Variants in ERBB2 observed in about 807,000 individuals in gnomAD.
The protein encoded by ERBB2 is erb-b2 receptor tyrosine kinase 2.
A neutral mutation model predicts 149.0 loss-of-function variants in ERBB2; 61 were observed. That is an observed-to-expected ratio of 0.41 (90% CI 0.33 to 0.51). ERBB2 has a LOEUF of 0.51. Among genes scored for constraint, ERBB2 ranks in the 20% least tolerant of loss-of-function variants. The probability of loss-of-function intolerance (pLI) is 0.25; values close to 1 mark genes in which losing one functional copy is unlikely to be tolerated. For missense variants in ERBB2, 1,205 were observed against 1,655.1 expected (o/e 0.73, Z 4.72); for synonymous variants, 633 against 678.8 (o/e 0.93, Z 1.05).
At position 39,707,081 on chromosome 17, in the gene ERBB2, G is replaced by A. The variant is rs1175627079; in HGVS notation, c.165G>A (p.Val55=). ...MLRHLYQGCQ[V]VQGNLELTYL... is the part of the protein sequence containing the mutation. ...GCCACCTCTACCAGGGCTGCCAGGT[G>A]GTGCAGGGAAACCTGGAACTCACCT... Residue 55 remains valine, a synonymous_variant, in exon 2 of 27, where the codon GTG becomes GTA. Coordinates refer to ENST00000269571, the MANE Select transcript of ERBB2 (RefSeq NM_004448.4). The A allele has an allele frequency of 6.2e-7, 1 of 1,606,280 alleles. No individual in the cohort carries two copies. Among genetic ancestry groups the A allele is most frequent in the Non-Finnish European group, 8.5e-7 (1 of 1,176,532 alleles).
At position 39,723,323 on chromosome 17, in the gene ERBB2, C is replaced by T. The variant is rs757101082; in HGVS notation, c.1951C>T (p.Leu651=). The change falls in exon 17 of 27, where the codon CTG becomes TTG. Residue 651 remains leucine, a synonymous_variant. Transcript: ENST00000269571. The surrounding 1 kb of genome is among the most constrained non-coding windows in gnomAD (Gnocchi z 6.2). The part of the protein sequence containing the change: ...GCPAEQRASP[L]TSIISAVVGI... The stretch of plus-strand genomic sequence containing the variant: ...GACCCTGGCTTCCGCCCCCAGCCCT[C>T]TGACGTCCATCATCTCTGCGGTGGT... 2 of 1,614,084 alleles carry T rather than the reference C, an allele frequency of 1.2e-6. No individual in the cohort carries two copies. Among genetic ancestry groups the T allele is most frequent in the South Asian group, 1.1e-5 (1 of 91,074 alleles).
chr17:39,719,991 A>T, intron 16 of ERBB2, 157 bp downstream of exon 16: 4 of 706,036 alleles, frequency 5.7e-6, no homozygotes, highest in Non-Finnish European at 1.0e-5. Context: ...TCACCAAGTG[A>T]CAGAGGACCT....
At chr17:39,691,600 CAT>C (rs750097261), upstream of ERBB2, among the ~76,000 whole-genome samples, 53 of 143,762 alleles carry the variant, frequency 3.7e-4, 1 homozygote, top group African/African-American at 1.1e-3. Flanking sequence ...CACACACACA[CAT>C]ACCCTCTAAC....
rs746042501 is a variant in ERBB2 at position 39,727,495 on chromosome 17, G to A, written c.3360G>A (p.Leu1120=). ...QRYSEDPTVP[L]PSETDGYVAP... is the part of the protein sequence containing the mutation. ...ACAGTGAGGACCCCACAGTACCCCT[G>A]CCCTCTGAGACTGATGGCTACGTTG... Residue 1120 remains leucine (L), a synonymous_variant, in exon 26 of 27, where the codon CTG becomes CTA. Transcript: ENST00000269571. This position sits in a 1 kb window ranked among gnomAD's most constrained non-coding sequence, Gnocchi z 4.3. 4.4e-6 allele frequency: 7 copies of A among 1,606,862 alleles called. No individual in the cohort carries two copies. The highest frequency in any genetic ancestry group is 1.7e-4 in the Middle Eastern group (1 of 6,008).
At chr17:39,697,349 G>GTTTTTTTTTTTTT (rs1452125824), upstream of ERBB2, among the ~76,000 whole-genome samples, 14 of 132,336 alleles carry the variant, frequency 1.1e-4, no homozygotes, top group East Asian at 4.3e-4. Flanking sequence ...TTGTTTTTTT[G>GTTTTTTTTTTTTT]TTTTGTTTTT....
rs1374683189 is a variant in ERBB2, at chr17:39,715,829, T to C, written c.1403T>C (p.Ile468Thr). Residue 468 changes from isoleucine (I) to threonine (T), a missense_variant, in exon 12 of 27, where the codon ATC becomes ACC. Around this residue, in one of 6 missense-constraint regions of ERBB2, gnomAD observed 569 missense variants for 803.5 expected, o/e 0.71. Coordinates refer to ENST00000269571, the MANE Select transcript of ERBB2 (RefSeq NM_004448.4). ...GAACTGGGCAGTGGACTGGCCCTCA[T>C]CCACCATAACACCCACCTCTGCTTC... ...LRELGSGLAL[I>T]HHNTHLCFVH... 6.2e-7 allele frequency: 1 copy of C among 1,611,852 alleles called. No homozygotes were observed. The highest frequency in any genetic ancestry group is 1.7e-5 in the Admixed American group (1 of 60,020).
chr17:39,725,671 C>T lies in ERBB2; in HGVS notation c.2726-36C>T, dbSNP rs984208220. On this transcript the variant is annotated intron_variant, in intron 22 of 26. Transcript: ENST00000269571. This position sits in a 1 kb window ranked among gnomAD's most constrained non-coding sequence, Gnocchi z 4.6. ...CTGGCTCAGTACACTAAAGCTCCCT[C>T]TGGCCCTCCCACTCCTGACCCTGTC... 6.3e-7 allele frequency: 1 copy of T among 1,583,136 alleles called. No homozygotes were observed. The highest frequency in any genetic ancestry group is 1.4e-5 in the African/African-American group (1 of 73,506).
Position 39,700,167 on chromosome 17 carries a change from C to T in ERBB2, c.-72C>T. ...CCGCGCGCCCGGCCCCCACCCCTCG[C>T]AGCACCCCGCGCCCCGCGCCCTCCC... On this transcript the variant is annotated 5_prime_UTR_variant, in exon 1 of 27. Coordinates refer to ENST00000269571, the MANE Select transcript of ERBB2 (RefSeq NM_004448.4). The T allele has an allele frequency of 1.5e-6, 2 of 1,342,508 alleles. No homozygotes were observed. Among genetic ancestry groups the T allele is most frequent in the Admixed American group, 3.9e-5 (1 of 25,560 alleles). The allele number at this position is 1,342,508 out of a possible 1,614,324, so 83.2% of individuals were successfully genotyped here.
At chr17:39,722,300 C>T (rs183373485) in intron 16 of ERBB2, among the ~76,000 whole-genome samples, 261 of 152,148 alleles carry the variant, frequency 1.7e-3, no homozygotes, top group Non-Finnish European at 2.8e-3. Context: ...GCCAGAAGCT[C>T]GAGACCAGCC....
chr17:39,728,402 G>T lies in ERBB2; in HGVS notation c.*358G>T. The stretch of plus-strand genomic sequence containing the variant: ...AGAGGGGAAGCGGCCCTAAGGGAGT[G>T]TCTAAGAACAAAAGCGACCCATTCA... On this transcript the variant is annotated 3_prime_UTR_variant, in exon 27 of 27. Coordinates refer to ENST00000269571, the MANE Select transcript of ERBB2 (RefSeq NM_004448.4). The T allele has an allele frequency of 7.3e-6, 2 of 273,060 alleles. No homozygotes were observed. The allele number at this position is 273,060 out of a possible 1,614,324, so 16.9% of individuals were successfully genotyped here. A position where few individuals can be genotyped will look rare whatever the true frequency, so the allele number is the denominator to read the frequency against.
chr17:39,724,233 C>T lies in ERBB2; in HGVS notation c.2307+223C>T, dbSNP rs189077904. On this transcript the variant is annotated intron_variant, in intron 19 of 26. Coordinates refer to ENST00000269571, the MANE Select transcript of ERBB2 (RefSeq NM_004448.4). The stretch of plus-strand genomic sequence containing the variant: ...TCCTGGACTCAAGCGATTTTCATGC[C>T]TCAGGCTCCTGAGTAGCTGGGATTA... Among the ~76,000 whole-genome samples the T allele has an allele frequency of 2.1e-5, 3 of 145,270 alleles. No individual in the cohort carries two copies. In the East Asian group the frequency reaches 6.1e-4, roughly 29 times the overall value.
At position 39,727,876 on chromosome 17, in the gene ERBB2, G is replaced by C. The variant is rs2143306548; in HGVS notation, c.3600G>C (p.Gln1200His). 2 of 1,614,110 alleles carry C rather than the reference G, an allele frequency of 1.2e-6. No individual in the cohort carries two copies. Among genetic ancestry groups the C allele is most frequent in the Non-Finnish European group, 1.7e-6 (2 of 1,179,992 alleles). The change falls in exon 27 of 27, where the codon CAG becomes CAC. Residue 1200 changes from glutamine to histidine, a missense_variant. By Grantham distance (24) the Gln-to-His change is conservative. This residue lies in a region of ERBB2 where 312 missense variants were observed against 343.8 expected (regional missense o/e 0.91). Transcript: ENST00000269571. This position sits in a 1 kb window ranked among gnomAD's most constrained non-coding sequence, Gnocchi z 4.3. ...AVENPEYLTP[Q>H]GGAAPQPHPP... ...AGAACCCCGAGTACTTGACACCCCAGGGAGGAGCTGCCCCTCAGCCCCACC... is the reference window on the plus strand; with the variant it reads ...AGAACCCCGAGTACTTGACACCCCACGGAGGAGCTGCCCCTCAGCCCCACC...
rs866163885 is a variant in ERBB2 at position 39,716,396 on chromosome 17, G to A, written c.1609G>A (p.Gly537Ser). Reference protein sequence around the residue: ...QCVNCSQFLRGQECVEECRVL... With the variant: ...QCVNCSQFLRSQECVEECRVL... Reference sequence around the variant, plus strand: ...TGTCAACTGCAGCCAGTTCCTTCGGGGCCAGGAGTGCGTGGAGGAATGCCG... The same window carrying A: ...TGTCAACTGCAGCCAGTTCCTTCGGAGCCAGGAGTGCGTGGAGGAATGCCG... The change falls in exon 13 of 27, where the codon GGC becomes AGC. Residue 537 changes from glycine (G) to serine (S), a missense_variant. Gly to Ser is a moderately conservative substitution (Grantham distance 56, BLOSUM62 0). This residue lies in a region of ERBB2 where 569 missense variants were observed against 803.5 expected (regional missense o/e 0.71). Transcript: ENST00000269571. 6.2e-7 allele frequency: 1 copy of A among 1,608,900 alleles called. No individual in the cohort carries two copies. Among genetic ancestry groups the A allele is most frequent in the Middle Eastern group, 1.7e-4 (1 of 6,000 alleles).
At chr17:39,695,701 GCATACA>G (rs2057842321), upstream of ERBB2, among the ~76,000 whole-genome samples, 3 of 41,812 alleles carry the variant, frequency 7.2e-5, no homozygotes, top group African/African-American at 2.9e-4. Context: ...TTTGGTGCAT[GCATACA>G]CACACACACA....
At chr17:39,711,786 A>G in intron 7 of ERBB2, 142 bp from the exon 8 acceptor site, 1 of 957,628 alleles carries the variant, frequency 1.0e-6, no homozygotes. Context: ...TGTGAGGGGT[A>G]AATGGATGTC....
Position 39,708,547 on chromosome 17 carries a change from G to A in ERBB2, c.439+13G>A, listed in dbSNP as rs367585394. 3.5e-5 allele frequency: 57 copies of A among 1,606,912 alleles called. No individual in the cohort carries two copies. The highest frequency in any genetic ancestry group is 3.3e-4 in the Admixed American group (20 of 59,888). Reference sequence around the variant, plus strand: ...CGAAGCCTCACAGGTGGCCTTCACCGTCATTGAAACCTTCTCTTGGTTATT... The same window carrying A: ...CGAAGCCTCACAGGTGGCCTTCACCATCATTGAAACCTTCTCTTGGTTATT... On this transcript the variant is annotated intron_variant, in intron 3 of 26. Transcript: ENST00000269571.
At chr17:39,699,994 A>T, upstream of ERBB2, 3 of 1,265,492 alleles carry the variant, frequency 2.4e-6, no homozygotes, top group Non-Finnish European at 3.0e-6. Flanking sequence ...TCCCAATCAC[A>T]GGAGAAGGAG....
intron 12 of ERBB2, 54 bp from the exon 13 acceptor site, chr17:39,716,247 T>G: frequency 6.6e-7 from 1 of 1,510,824 alleles, no homozygotes; most frequent in South Asian, 1.3e-5. Flanking sequence ...CTGGTTCACT[T>G]GGACCTGGGG....
chr17:39,691,483 G>T (rs1212822937), upstream of ERBB2, among the ~76,000 whole-genome samples: 4 of 150,306 alleles, frequency 2.7e-5, no homozygotes, highest in East Asian at 7.8e-4. Flanking sequence ...GTTGGAGGTT[G>T]CAGTGAGCCT....
Sources: allele counts gnomAD v4.1 joint callset (sites outside exome capture counted in the v4.1 genomes callset), GRCh38; gene constraint gnomAD v4.1.1; regional missense constraint gnomAD v4.1.1; non-coding constraint Gnocchi (gnomAD v3.1); transcripts MANE v1.5; gene names NCBI Gene and HGNC (gene_info 2026-07-23, HGNC 2026-07-21).